The following ASNS variants were observed in gnomAD, a reference collection of about 807,000 sequenced individuals.
The protein encoded by ASNS is asparagine synthetase (glutamine-hydrolyzing), also known as asparagine synthetase [glutamine-hydrolyzing].
In ASNS, 37 loss-of-function variants were observed where a neutral mutation model predicts 62.6. The ratio of observed to expected loss-of-function variants is 0.59; its 90% CI spans 0.45 to 0.78. The LOEUF (loss-of-function observed/expected upper bound fraction) is 0.78, where lower values mean the gene tolerates loss of function less well. Ranked by LOEUF, ASNS falls within the 30% of genes least tolerant of loss-of-function variation. The pLI is 0.00. For synonymous variants in ASNS, 207 were observed against 237.9 expected, an observed-to-expected ratio of 0.87 and a Z score of 1.19; for missense variants, 520 against 682.4, an observed-to-expected ratio of 0.76 and a Z score of 2.65.
At chr7:97,884,105 T>G in the ASNS span, among the ~76,000 whole-genome samples, 3 of 152,064 alleles carry the variant, frequency 2.0e-5, no homozygotes, top group Admixed American at 2.0e-4. Context: ...ACAGAGTAGT[T>G]AGGTGGAATG....
the ASNS span, among the ~76,000 whole-genome samples, chr7:97,915,394 T>C: frequency 6.6e-6 from 1 of 152,202 alleles, no homozygotes; most frequent in African/African-American, 2.4e-5. Flanking sequence ...TTCTCATCTG[T>C]AAAATGGGTA....
the ASNS span, among the ~76,000 whole-genome samples, chr7:97,927,085 T>A: frequency 6.3e-4 from 82 of 129,602 alleles, 3 homozygotes; most frequent in African/African-American, 2.7e-3. Flanking sequence ...TTTTTTTTTT[T>A]TTTTTTTTTT....
chr7:97,883,886 A>G, the ASNS span, among the ~76,000 whole-genome samples: 7 of 151,198 alleles, frequency 4.6e-5, no homozygotes, highest in East Asian at 9.8e-4. Flanking sequence ...TACTTGGGAG[A>G]CTGAGGCAGG....
chr7:97,893,334 T>C, the ASNS span, among the ~76,000 whole-genome samples: 5 of 152,226 alleles, frequency 3.3e-5, no homozygotes, highest in Non-Finnish European at 7.3e-5. Context: ...CAAAAGGATA[T>C]ACAAAATAAC....
the ASNS span, among the ~76,000 whole-genome samples, chr7:97,881,947 T>A: frequency 6.6e-6 from 1 of 151,778 alleles, no homozygotes; most frequent in Non-Finnish European, 1.5e-5. Flanking sequence ...GCCTCCCAGG[T>A]TCAACCGATA....
At chr7:97,852,594 C>T (rs1163185104) in intron 12 of ASNS, 126 bp from the exon 13 acceptor site, 4 of 914,386 alleles carry the variant, frequency 4.4e-6, no homozygotes, top group Non-Finnish European at 6.8e-6. Flanking sequence ...CTTTGAATCA[C>T]CCATCACTTA....
At chr7:97,922,727 C>CA in the ASNS span, among the ~76,000 whole-genome samples, 431 of 152,166 alleles carry the variant, frequency 2.8e-3, 5 homozygotes, top group African/African-American at 9.7e-3. Flanking sequence ...TCAACAACTC[C>CA]AAAAAACAAG....
the ASNS span, among the ~76,000 whole-genome samples, chr7:97,881,246 T>G: frequency 1.3e-5 from 2 of 152,184 alleles, no homozygotes; most frequent in East Asian, 3.8e-4. Flanking sequence ...CTAGCAGTAT[T>G]TTTTTAATGA....
At chr7:97,905,179 C>T in the ASNS span, among the ~76,000 whole-genome samples, 1 of 152,222 alleles carries the variant, frequency 6.6e-6, no homozygotes, top group Admixed American at 6.5e-5. Flanking sequence ...CAACTGTTCA[C>T]CTCTCCTGCC....
chr7:97,867,979 A>G (rs1340035661), intron 3 of ASNS, among the ~76,000 whole-genome samples: 1 of 152,182 alleles, frequency 6.6e-6, no homozygotes, highest in Non-Finnish European at 1.5e-5. Context: ...ATACCAAGAA[A>G]CATACCAACC....
At chr7:97,915,731 C>A in the ASNS span, among the ~76,000 whole-genome samples, 128,796 of 151,036 alleles carry the variant, frequency 0.85, 54,992 homozygotes, top group East Asian at 0.91. Flanking sequence ...AAGAAAGAGC[C>A]CGATATGCAA....
intron 1 of ASNS, among the ~76,000 whole-genome samples, chr7:97,870,801 T>C (rs1792218646): frequency 3.9e-5 from 6 of 152,228 alleles, no homozygotes. Flanking sequence ...TAACGCTGCT[T>C]AGTGAATCCC....
chr7:97,892,148 A>G, the ASNS span, among the ~76,000 whole-genome samples: 1 of 152,194 alleles, frequency 6.6e-6, no homozygotes, highest in Non-Finnish European at 1.5e-5. Flanking sequence ...GCTCAACACT[A>G]TGTGGAAGCT....
chr7:97,928,272 G>C, the ASNS span: 1 of 1,343,958 alleles, frequency 7.4e-7, no homozygotes, highest in Middle Eastern at 2.6e-4. Context: ...CTTGCCAGTG[G>C]CTTTGGAGCT....
upstream of ASNS, among the ~76,000 whole-genome samples, chr7:97,872,869 G>A (rs1167365958): frequency 6.6e-6 from 1 of 152,376 alleles, no homozygotes; most frequent in African/African-American, 2.4e-5. Flanking sequence ...GGGAAGCCAA[G>A]GCAAGAGGAT....
intron 3 of ASNS, among the ~76,000 whole-genome samples, chr7:97,867,605 G>A (rs79905626): frequency 3.9e-5 from 6 of 152,024 alleles, no homozygotes; most frequent in East Asian, 3.8e-4. Context: ...ACCACCTAGC[G>A]TTCTCATGTA....
chr7:97,921,622 G>A, the ASNS span, among the ~76,000 whole-genome samples: 4 of 152,096 alleles, frequency 2.6e-5, no homozygotes, highest in Admixed American at 6.5e-5. Flanking sequence ...GTGTGCAGAC[G>A]TGAGGGTCTC....
At chr7:97,906,768 G>A in the ASNS span, 6 of 152,438 alleles carry the variant, frequency 3.9e-5, no homozygotes, top group African/African-American at 1.4e-4. Context: ...TGGTTATGGA[G>A]GCTAAGGAGT....
At chr7:97,896,739 C>CATATATATATATATAT in the ASNS span, among the ~76,000 whole-genome samples, 290 of 31,846 alleles carry the variant, frequency 9.1e-3, 3 homozygotes, top group Middle Eastern at 0.028. Flanking sequence ...CACACACACA[C>CATATATATATATATAT]ACATATATAT....
Sources: gnomAD v4.1 joint callset for allele counts (sites outside exome capture counted in the v4.1 genomes callset) on GRCh38, gnomAD v4.1.1 for gene constraint, MANE v1.5 for transcripts, NCBI Gene and HGNC (gene_info 2026-07-23, HGNC 2026-07-21) for gene names.